Variants in EXOC6B observed in about 807,000 individuals in gnomAD.
EXOC6B encodes exocyst complex component 6B.
Under a neutral mutation model 113.5 loss-of-function variants are expected in EXOC6B, and 54 were observed. The observed-to-expected ratio is 0.48, with a 90% confidence interval of 0.38 to 0.60. The LOEUF (loss-of-function observed/expected upper bound fraction) is 0.60, where lower values mean the gene tolerates loss of function less well. Ranked by LOEUF, EXOC6B falls within the 20% of genes least tolerant of loss-of-function variation. EXOC6B has a pLI of 0.00. For synonymous variants in EXOC6B, 357 were observed against 339.0 expected (o/e 1.05, Z -0.58); for missense variants, 797 against 977.5 (o/e 0.82, Z 2.46).
At chr2:72,622,978 A>G (rs1671835976) in intron 6 of EXOC6B, among the ~76,000 whole-genome samples, 1 of 152,118 alleles carries the variant, frequency 6.6e-6, no homozygotes, top group African/African-American at 2.4e-5. Context: ...TCCAATCAAG[A>G]TAAAGGTTAT....
At chr2:72,443,055 G>A (rs183356298) in intron 18 of EXOC6B, among the ~76,000 whole-genome samples, 4 of 151,988 alleles carry the variant, frequency 2.6e-5, no homozygotes, top group African/African-American at 7.2e-5. Flanking sequence ...GGCAGGGCGC[G>A]GTGCCTCACG....
At chr2:72,575,426 T>C in intron 7 of EXOC6B, 66 bp downstream of exon 7, 2 of 1,428,500 alleles carry the variant, frequency 1.4e-6, no homozygotes, top group East Asian at 2.5e-5. Flanking sequence ...AAACTCTTCA[T>C]CACATCTCAA....
chr2:72,278,953 G>A (rs1261263926), intron 20 of EXOC6B, among the ~76,000 whole-genome samples: 1 of 152,162 alleles, frequency 6.6e-6, no homozygotes, highest in Non-Finnish European at 1.5e-5. Context: ...GCTGTGGGAT[G>A]AGTGTGGAAA....
At chr2:72,179,544 T>A (rs1677957287) in intron 21 of EXOC6B, 83 bp from the exon 22 acceptor site, 1 of 1,517,620 alleles carries the variant, frequency 6.6e-7, no homozygotes, top group East Asian at 2.3e-5. Flanking sequence ...AGGATGGCAA[T>A]GCATCTTAAC....
chr2:72,679,964 T>A (rs1198722591), intron 6 of EXOC6B, among the ~76,000 whole-genome samples: 2 of 152,180 alleles, frequency 1.3e-5, no homozygotes, highest in Non-Finnish European at 2.9e-5. Flanking sequence ...ATAGATTAAA[T>A]AAGAATACAA....
chr2:72,721,785 T>A (rs1445960672), intron 5 of EXOC6B: 1 of 151,976 alleles, frequency 6.6e-6, no homozygotes, highest in Non-Finnish European at 1.5e-5. Context: ...TGAATGAAAA[T>A]CATTTCAAAA....
chr2:72,478,895 A>T (rs950497725), intron 17 of EXOC6B, among the ~76,000 whole-genome samples: 2 of 152,196 alleles, frequency 1.3e-5, no homozygotes, highest in Admixed American at 1.3e-4. Context: ...TCCTAGAGAA[A>T]TTTTGGCTTT....
intron 6 of EXOC6B, among the ~76,000 whole-genome samples, chr2:72,689,336 T>C (rs1449200321): frequency 6.6e-6 from 1 of 152,176 alleles, no homozygotes; most frequent in East Asian, 1.9e-4. Flanking sequence ...ACATCACTTA[T>C]CAAAGTGGTT....
chr2:72,316,447 G>A (rs537475363), intron 20 of EXOC6B, among the ~76,000 whole-genome samples: 109 of 152,162 alleles, frequency 7.2e-4, no homozygotes, highest in Non-Finnish European at 8.4e-4. Flanking sequence ...ACCCATATTT[G>A]GTTTTGCCTT....
chr2:72,180,362 T>A (rs1678003588), intron 21 of EXOC6B, among the ~76,000 whole-genome samples: 1 of 152,246 alleles, frequency 6.6e-6, no homozygotes, highest in Admixed American at 6.5e-5. Flanking sequence ...CAAGTCTGAC[T>A]AAGCAACTGT....
At chr2:72,648,131 C>T (rs553938156) in intron 6 of EXOC6B, among the ~76,000 whole-genome samples, 100 of 152,132 alleles carry the variant, frequency 6.6e-4, no homozygotes, top group African/African-American at 2.3e-3. Context: ...ATATGAACAG[C>T]CACTTCTCAG....
chr2:72,462,198 T>C (rs1419709287), intron 18 of EXOC6B: 1 of 152,162 alleles, frequency 6.6e-6, no homozygotes, highest in Non-Finnish European at 1.5e-5. Flanking sequence ...AGTAGCTGCA[T>C]AGAAAAATTA....
chr2:72,763,526 G>A (rs1029622573), intron 1 of EXOC6B, among the ~76,000 whole-genome samples: 24 of 151,128 alleles, frequency 1.6e-4, no homozygotes, highest in African/African-American at 5.8e-4. Flanking sequence ...AGACTCAAGT[G>A]ATCCTCCTAT....
intron 20 of EXOC6B, chr2:72,263,363 G>C (rs553988070): frequency 6.6e-6 from 1 of 152,366 alleles, no homozygotes; most frequent in African/African-American, 2.4e-5. Flanking sequence ...GTTTGTTTGA[G>C]AGTGGGGCAC....
chr2:72,187,902 G>A (rs1015874807), intron 20 of EXOC6B, among the ~76,000 whole-genome samples: 9 of 152,206 alleles, frequency 5.9e-5, no homozygotes, highest in Admixed American at 1.3e-4. Context: ...ACTTTGCTCC[G>A]AGATTGGAGC....
intron 20 of EXOC6B, among the ~76,000 whole-genome samples, chr2:72,315,523 C>A (rs1162628564): frequency 6.6e-6 from 1 of 151,916 alleles, no homozygotes; most frequent in African/African-American, 2.4e-5. Context: ...TGTAGAGGGG[C>A]AAAGGCAGAA....
intron 18 of EXOC6B, among the ~76,000 whole-genome samples, chr2:72,443,196 AC>A (rs1026319714): frequency 1.3e-5 from 2 of 151,742 alleles, no homozygotes; most frequent in African/African-American, 4.8e-5. Flanking sequence ...GTGGTGGCGC[AC>A]CTGTAGTTCC....
At chr2:72,710,595 T>C (rs1352086498) in intron 6 of EXOC6B, among the ~76,000 whole-genome samples, 1 of 152,206 alleles carries the variant, frequency 6.6e-6, no homozygotes, top group East Asian at 1.9e-4. Context: ...GACCACACTC[T>C]GTGCATGTTT....
intron 6 of EXOC6B, among the ~76,000 whole-genome samples, chr2:72,598,553 A>G (rs1670214130): frequency 1.3e-5 from 2 of 152,022 alleles, no homozygotes; most frequent in Non-Finnish European, 2.9e-5. Context: ...ACATTGGAGT[A>G]GGAAACGATG....
Sources: gnomAD v4.1 joint callset for allele counts (sites outside exome capture counted in the v4.1 genomes callset) on GRCh38, gnomAD v4.1.1 for gene constraint, MANE v1.5 for transcripts, NCBI Gene and HGNC (gene_info 2026-07-23, HGNC 2026-07-21) for gene names.